TAS2R1: variants seen among roughly 807,000 people sequenced by gnomAD.
TAS2R1 encodes the protein taste 2 receptor member 1.
For missense variants in TAS2R1, 370 were observed against 353.4 expected, an observed-to-expected ratio of 1.05 and a Z score of -0.38; for synonymous variants, 141 against 134.2, an observed-to-expected ratio of 1.05 and a Z score of -0.35.
chr5:9,894,364 A>G, the TAS2R1 span, among the ~76,000 whole-genome samples: 3 of 151,514 alleles, frequency 2.0e-5, no homozygotes, highest in Admixed American at 2.0e-4. Context: ...AGATCACGCC[A>G]TTGTACTCCA....
chr5:9,837,271 G>A, the TAS2R1 span, among the ~76,000 whole-genome samples: 1 of 152,188 alleles, frequency 6.6e-6, no homozygotes, highest in African/African-American at 2.4e-5. Flanking sequence ...GCATCCTGAA[G>A]AGGTCTGTGC....
the TAS2R1 span, among the ~76,000 whole-genome samples, chr5:9,863,771 T>G: frequency 6.6e-6 from 1 of 152,214 alleles, no homozygotes; most frequent in African/African-American, 2.4e-5. Flanking sequence ...TAAACAGTAA[T>G]CTTTTGTATT....
At chr5:9,677,218 A>C (rs2126507279) in intron 1 of TAS2R1, among the ~76,000 whole-genome samples, 1 of 152,310 alleles carries the variant, frequency 6.6e-6, no homozygotes, top group Middle Eastern at 3.4e-3. Context: ...GAACACATGG[A>C]CACATAGACC....
the TAS2R1 span, among the ~76,000 whole-genome samples, chr5:9,800,272 A>T: frequency 1.3e-5 from 2 of 152,232 alleles, no homozygotes; most frequent in African/African-American, 4.8e-5. Context: ...ACATTGAAAA[A>T]TGCTGGCATA....
chr5:9,758,462 AT>A, the TAS2R1 span, among the ~76,000 whole-genome samples: 9 of 152,302 alleles, frequency 5.9e-5, no homozygotes, highest in South Asian at 1.9e-3. Flanking sequence ...CTTCCCAGAA[AT>A]TTTTAATTGG....
the TAS2R1 span, among the ~76,000 whole-genome samples, chr5:9,798,156 A>G: frequency 1.3e-5 from 2 of 152,222 alleles, no homozygotes; most frequent in South Asian, 4.1e-4. Flanking sequence ...TTTGATTAAT[A>G]TGAACGATCT....
the TAS2R1 span, among the ~76,000 whole-genome samples, chr5:9,842,764 A>G: frequency 1.3e-5 from 2 of 151,864 alleles, no homozygotes; most frequent in African/African-American, 4.8e-5. Context: ...GAAGCCTGAA[A>G]CCTTTACTGT....
At chr5:9,762,930 T>C in the TAS2R1 span, among the ~76,000 whole-genome samples, 2 of 152,188 alleles carry the variant, frequency 1.3e-5, no homozygotes, top group African/African-American at 4.8e-5. Context: ...CCATGTCTCA[T>C]TGCCATTTCC....
chr5:9,796,736 AAAAG>A, the TAS2R1 span, among the ~76,000 whole-genome samples: 5,414 of 144,266 alleles, frequency 0.038, 89 homozygotes, highest in East Asian at 0.089. Context: ...AAAAAAAAAA[AAAAG>A]AAAAGAAAAA....
the TAS2R1 span, among the ~76,000 whole-genome samples, chr5:9,833,444 GGAATATTTTCTTTGT>G: frequency 1.3e-5 from 2 of 152,126 alleles, no homozygotes; most frequent in Admixed American, 1.3e-4. Context: ...CCTTTATTAT[GGAATATTTTCTTTGT>G]GAGCTGTGAA....
chr5:9,632,676 G>T (rs1010309131), upstream of TAS2R1, among the ~76,000 whole-genome samples: 1 of 152,094 alleles, frequency 6.6e-6, no homozygotes, highest in African/African-American at 2.4e-5. Flanking sequence ...GAAATTATTT[G>T]CTCATCTGTA....
the TAS2R1 span, among the ~76,000 whole-genome samples, chr5:9,866,402 TA>T: frequency 2.0e-5 from 3 of 152,224 alleles, no homozygotes; most frequent in Non-Finnish European, 4.4e-5. Context: ...GGACAAACCT[TA>T]TTTTTTTGTA....
intron 1 of TAS2R1, among the ~76,000 whole-genome samples, chr5:9,696,726 T>A (rs1741363760): frequency 1.3e-5 from 2 of 151,910 alleles, no homozygotes; most frequent in African/African-American, 4.8e-5. Flanking sequence ...CTAAAGAAAT[T>A]CGCAAGGCCG....
chr5:9,678,691 A>T (rs1311535612), intron 1 of TAS2R1, among the ~76,000 whole-genome samples: 1 of 152,204 alleles, frequency 6.6e-6, no homozygotes, highest in African/African-American at 2.4e-5. Flanking sequence ...ACAGAAAATC[A>T]AACACCGCAT....
chr5:9,720,066 C>G, the TAS2R1 span, among the ~76,000 whole-genome samples: 1 of 151,718 alleles, frequency 6.6e-6, no homozygotes, highest in South Asian at 2.1e-4. Context: ...TCCTAAGATT[C>G]CTTATTTAGA....
In TAS2R1 at chr5:9,629,515, G is replaced by A. The variant is rs765963003; in HGVS notation, c.518C>T (p.Ala173Val). The change falls in exon 1 of 1, where the codon GCT becomes GTT. Residue 173 changes from alanine to valine, a missense_variant. By Grantham distance (64) the Ala-to-Val change is moderately conservative. Transcript: ENST00000382492. Reference protein sequence around the residue: ...NATIQKEDTLAIQIFSFVAEF... With the variant: ...NATIQKEDTLVIQIFSFVAEF... Reference sequence around the variant, plus strand: ...AGCAACAAAAGAGAAAATCTGTATAGCCAGTGTATCTTCTTTTTGAATTGT... The same window carrying A: ...AGCAACAAAAGAGAAAATCTGTATAACCAGTGTATCTTCTTTTTGAATTGT... 1.2e-6 allele frequency: 2 copies of A among 1,614,156 alleles called. No individual in the cohort carries two copies. The highest frequency in any genetic ancestry group is 1.7e-6 in the Non-Finnish European group (2 of 1,180,024).
the TAS2R1 span, chr5:9,870,115 C>T: frequency 3.3e-5 from 5 of 152,194 alleles, no homozygotes; most frequent in African/African-American, 1.2e-4. Context: ...ACCTCTCTTC[C>T]TCTGACTCCC....
chr5:9,793,263 G>A, the TAS2R1 span, among the ~76,000 whole-genome samples: 1 of 152,160 alleles, frequency 6.6e-6, no homozygotes, highest in African/African-American at 2.4e-5. Flanking sequence ...CAGACATATT[G>A]TATAAATTAG....
Position 9,662,486 on chromosome 5 carries a change from A to C in TAS2R1, c.-241-2905T>G, listed in dbSNP as rs187676936. Among the ~76,000 whole-genome samples the C allele has an allele frequency of 2.6e-5, 4 of 152,304 alleles. No individual in the cohort carries two copies. The East Asian group carries it at 5.8e-4, about 22-fold the overall frequency. The stretch of plus-strand genomic sequence containing the variant: ...AATGAAATACTTCCATCCAGGAGTG[A>C]CAGTTGTCACTCCCAGCCAACTCTA... On this transcript the variant is annotated intron_variant, in intron 1 of 2. Transcript: ENST00000506620.
Sources: gnomAD v4.1 joint callset for allele counts (sites outside exome capture counted in the v4.1 genomes callset) on GRCh38, gnomAD v4.1.1 for gene constraint, MANE v1.5 for transcripts, NCBI Gene and HGNC (gene_info 2026-07-23, HGNC 2026-07-21) for gene names.